The following NLGN1 variants were observed in gnomAD, a reference collection of about 807,000 sequenced individuals.
NLGN1 encodes neuroligin 1, also known as neuroligin-1.
In NLGN1, 12 loss-of-function variants were observed where a neutral mutation model predicts 65.5. The observed-to-expected ratio is 0.18, with a 90% CI of 0.12 to 0.30. The LOEUF is 0.30. Among genes scored for constraint, NLGN1 ranks in the 10% least tolerant of loss-of-function variants. The probability of loss-of-function intolerance (pLI) is 1.00; values close to 1 mark genes in which losing one functional copy is unlikely to be tolerated. For synonymous variants in NLGN1, 350 were observed against 359.5 expected (o/e 0.97, Z 0.30); for missense variants, 750 against 1,007.1 (o/e 0.74, Z 3.46).
At chr3:174,275,724 T>C (rs1252819174) in intron 5 of NLGN1, among the ~76,000 whole-genome samples, 197 bp downstream of exon 5, 1 of 151,902 alleles carries the variant, frequency 6.6e-6, no homozygotes, top group Non-Finnish European at 1.5e-5. Flanking sequence ...CTGTGGAGCT[T>C]GGTAAGGATG....
At chr3:174,092,750 T>C (rs184450578) in intron 4 of NLGN1, among the ~76,000 whole-genome samples, 11 of 152,286 alleles carry the variant, frequency 7.2e-5, no homozygotes, top group Admixed American at 1.3e-4. Context: ...CATGAAGATA[T>C]ATAGTTAGTC....
In NLGN1 at chr3:173,863,019, A is replaced by G. The variant is rs554328266; in HGVS notation, c.646+55187A>G. 3.3e-4 allele frequency among the ~76,000 whole-genome samples: 50 copies of G among 152,338 alleles called. No individual in the cohort carries two copies. In the South Asian group the frequency reaches 0.01, roughly 31 times the overall value. On this transcript the variant is annotated intron_variant, in intron 4 of 6. Transcript: ENST00000457714. The stretch of plus-strand genomic sequence containing the variant: ...ATAGGTGGTATATAGTAGTTGTGCT[A>G]AAATATGTTAAAGCTTTGTTTTGTT...
chr3:174,165,636 CG>C (rs756447695), intron 4 of NLGN1, among the ~76,000 whole-genome samples: 1 of 151,962 alleles, frequency 6.6e-6, no homozygotes, highest in Non-Finnish European at 1.5e-5. Flanking sequence ...CTATGCCTAT[CG>C]GGGATATTGG....
chr3:173,944,107 G>A (rs890163706), intron 4 of NLGN1, among the ~76,000 whole-genome samples: 39 of 141,136 alleles, frequency 2.8e-4, no homozygotes, highest in African/African-American at 8.5e-4. Flanking sequence ...CATTTTAAAT[G>A]TCCAGTTAAT....
intron 2 of NLGN1, among the ~76,000 whole-genome samples, chr3:173,451,165 T>G (rs565732747): frequency 2.8e-4 from 42 of 152,304 alleles, no homozygotes; most frequent in African/African-American, 9.4e-4. Flanking sequence ...GTTTTTCTGC[T>G]CTGTTTTTTC....
intron 3 of NLGN1, among the ~76,000 whole-genome samples, chr3:173,616,458 A>C (rs568734171): frequency 6.6e-6 from 1 of 152,270 alleles, no homozygotes; most frequent in Middle Eastern, 3.4e-3. Flanking sequence ...TGGGAACTTA[A>C]ATATATAGAC....
exon 7 of NLGN1, chr3:174,281,052 G>A: frequency 1.9e-6 from 3 of 1,613,322 alleles, no homozygotes; most frequent in Non-Finnish European, 2.5e-6. Context: ...CACTGATTTG[G>A]ATCATGAATG....
At chr3:173,734,514 A>G (rs915264949) in intron 3 of NLGN1, among the ~76,000 whole-genome samples, 1 of 147,246 alleles carries the variant, frequency 6.8e-6, no homozygotes, top group Non-Finnish European at 1.5e-5. Flanking sequence ...CTCCTGCCTC[A>G]GTCTCTCAAG....
At chr3:173,926,726 G>T (rs1396997131) in intron 4 of NLGN1, among the ~76,000 whole-genome samples, 1 of 152,208 alleles carries the variant, frequency 6.6e-6, no homozygotes, top group Non-Finnish European at 1.5e-5. Flanking sequence ...GGCAGGAAAT[G>T]CATCCATCCA....
At chr3:173,406,677 C>T (rs901027512) in intron 1 of NLGN1, among the ~76,000 whole-genome samples, 1 of 151,554 alleles carries the variant, frequency 6.6e-6, no homozygotes, top group Non-Finnish European at 1.5e-5. Flanking sequence ...CCGTTCTTAC[C>T]GTGCATTTCC....
At chr3:174,173,097 T>TA (rs1172573190) in intron 4 of NLGN1, among the ~76,000 whole-genome samples, 4 of 152,026 alleles carry the variant, frequency 2.6e-5, no homozygotes, top group Non-Finnish European at 4.4e-5. Flanking sequence ...GTATTTTTTT[T>TA]ATCTCTTTTT....
intron 4 of NLGN1, among the ~76,000 whole-genome samples, chr3:174,274,273 A>ATGTT (rs1252732101): frequency 1.3e-5 from 2 of 151,088 alleles, no homozygotes; most frequent in African/African-American, 4.8e-5. Context: ...TAGAGAATAG[A>ATGTT]TGTTTGTTTT....
intron 4 of NLGN1, among the ~76,000 whole-genome samples, chr3:174,064,439 G>T (rs1738062813): frequency 6.6e-6 from 1 of 151,920 alleles, no homozygotes; most frequent in African/African-American, 2.4e-5. Context: ...TCTGGAGCTA[G>T]ATTAATAGTT....
chr3:173,560,134 G>C (rs7649057), intron 2 of NLGN1, among the ~76,000 whole-genome samples: 1 of 151,664 alleles, frequency 6.6e-6, no homozygotes, highest in Admixed American at 6.6e-5. Context: ...TAGTAGAGAC[G>C]GGGTTTCACC....
intron 3 of NLGN1, among the ~76,000 whole-genome samples, chr3:173,778,117 G>C (rs545705234): frequency 6.6e-6 from 1 of 151,686 alleles, no homozygotes; most frequent in South Asian, 2.1e-4. Flanking sequence ...AGGTTGTTAA[G>C]GTACAATTTA....
At chr3:173,803,477 G>T (rs1250760758) in intron 3 of NLGN1, among the ~76,000 whole-genome samples, 1 of 151,880 alleles carries the variant, frequency 6.6e-6, no homozygotes, top group East Asian at 2.0e-4. Context: ...GCATGGTGGC[G>T]AGCACCTATA....
chr3:174,184,776 T>A (rs1268595456), intron 4 of NLGN1, among the ~76,000 whole-genome samples: 1 of 152,132 alleles, frequency 6.6e-6, no homozygotes. Flanking sequence ...GTTTATAAGC[T>A]ATATCATGTA....
At chr3:173,398,673 CT>C (rs1717068160) in intron 1 of NLGN1, among the ~76,000 whole-genome samples, 2 of 152,158 alleles carry the variant, frequency 1.3e-5, no homozygotes, top group South Asian at 4.1e-4. Context: ...GGTACTATTT[CT>C]TTTTGCATTT....
intron 3 of NLGN1, among the ~76,000 whole-genome samples, chr3:173,715,826 CT>C (rs1428991144): frequency 5.3e-5 from 8 of 151,940 alleles, no homozygotes; most frequent in Non-Finnish European, 8.8e-5. Context: ...AAATAAAATC[CT>C]TGTCCTGTTT....
Sources: allele counts gnomAD v4.1 joint callset (sites outside exome capture counted in the v4.1 genomes callset), GRCh38; gene constraint gnomAD v4.1.1; transcripts MANE v1.5; gene names NCBI Gene and HGNC (gene_info 2026-07-23, HGNC 2026-07-21).